Variants in MAP2K5 observed in about 807,000 individuals in gnomAD.
The protein encoded by MAP2K5 is mitogen-activated protein kinase kinase 5.
MAP2K5 carries 49 observed loss-of-function variants against 83.1 expected under a neutral mutation model. The ratio of observed to expected loss-of-function variants is 0.59; its 90% CI spans 0.47 to 0.75. The LOEUF (loss-of-function observed/expected upper bound fraction) is 0.75, where lower values mean the gene tolerates loss of function less well. MAP2K5 is among the 30% of genes least tolerant of loss of function. The probability of loss-of-function intolerance (pLI) is 0.00; values close to 1 mark genes in which losing one functional copy is unlikely to be tolerated. For missense variants in MAP2K5, 457 were observed against 557.5 expected, an observed-to-expected ratio of 0.82 and a Z score of 1.82; for synonymous variants, 202 against 191.8, an observed-to-expected ratio of 1.05 and a Z score of -0.44.
In MAP2K5 at chr15:67,648,752, G is replaced by A. The variant is rs564896813; in HGVS notation, c.736+2283G>A. The stretch of plus-strand genomic sequence containing the variant: ...GGCGCGTGCCACCATGCCCAGCTAA[G>A]TTTTGTATTTTCAGTAGAGACAGAG... On this transcript the variant is annotated intron_variant, in intron 11 of 21. Transcript: ENST00000178640. 2.6e-5 allele frequency among the ~76,000 whole-genome samples: 4 copies of A among 152,044 alleles called. No individual in the cohort carries two copies. The East Asian group carries it at 7.7e-4, about 29-fold the overall frequency.
At chr15:67,582,354 C>A (rs1189606556) in intron 4 of MAP2K5, among the ~76,000 whole-genome samples, 3 of 152,128 alleles carry the variant, frequency 2.0e-5, no homozygotes, top group African/African-American at 7.2e-5. Context: ...GCCACCACGC[C>A]CAGCCAGGAG....
intron 8 of MAP2K5, among the ~76,000 whole-genome samples, chr15:67,602,405 C>G (rs1443190738): frequency 1.3e-5 from 2 of 152,142 alleles, no homozygotes; most frequent in Admixed American, 6.5e-5. Flanking sequence ...TCTGGCAACT[C>G]TTTGTATTCC....
intron 9 of MAP2K5, among the ~76,000 whole-genome samples, chr15:67,632,288 C>G (rs1292813721): frequency 1.3e-5 from 2 of 151,948 alleles, no homozygotes; most frequent in Non-Finnish European, 2.9e-5. Context: ...TTTGTAGAGA[C>G]AGGGTTTCAC....
In MAP2K5 at chr15:67,640,197, A is replaced by G. The variant is rs139178321; in HGVS notation, c.586-6034A>G. 2.2e-4 allele frequency among the ~76,000 whole-genome samples: 34 copies of G among 152,328 alleles called. No individual in the cohort carries two copies. Among genetic ancestry groups the G allele is most frequent in the African/African-American group, 7.5e-4 (31 of 41,574 alleles). ...ATTACACATAACGAGTAAGTGTTCA[A>G]TACATAATTTGTTGAGTGACTGAGT... On this transcript the variant is annotated intron_variant, in intron 9 of 21. Transcript: ENST00000178640. This position sits in a 1 kb window ranked among gnomAD's most constrained non-coding sequence, Gnocchi z 4.6.
At chr15:67,743,081 C>T (rs1350085389) in intron 17 of MAP2K5, among the ~76,000 whole-genome samples, 2 of 152,160 alleles carry the variant, frequency 1.3e-5, no homozygotes, top group East Asian at 1.9e-4. Flanking sequence ...AGAGCTGTGC[C>T]CTCCTGTAGG....
Position 67,665,885 on chromosome 15 carries a change from G to A in MAP2K5, c.847+1240G>A, listed in dbSNP as rs2087364720. ...AATTGAACATTTTTGACTACCAAGA[G>A]TAAGAGATAACAGTATTCAACATGA... On this transcript the variant is annotated intron_variant, in intron 13 of 21. Transcript: ENST00000178640. The surrounding 1 kb of genome is among the most constrained non-coding windows in gnomAD (Gnocchi z 4.2). Among the ~76,000 whole-genome samples, 1 of 152,096 alleles carries A rather than the reference G, an allele frequency of 6.6e-6. No individual in the cohort carries two copies. Among genetic ancestry groups the A allele is most frequent in the South Asian group, 2.1e-4 (1 of 4,820 alleles).
Position 67,652,439 on chromosome 15 carries a change from G to A in MAP2K5, c.736+5970G>A, listed in dbSNP as rs569511050. Among the ~76,000 whole-genome samples the A allele has an allele frequency of 9.9e-5, 15 of 152,246 alleles. No homozygotes were observed. Among genetic ancestry groups the A allele is most frequent in the South Asian group, 8.3e-4 (4 of 4,828 alleles). On this transcript the variant is annotated intron_variant, in intron 11 of 21. Transcript: ENST00000178640. This position sits in a 1 kb window ranked among gnomAD's most constrained non-coding sequence, Gnocchi z 4.2. ...TCTGGGTCTCAGGAAGCTTCCATTC[G>A]TGGAGCAAGAGAGAGAGGAGGGAGG...
At chr15:67,789,242 A>G (rs2141329434) in intron 21 of MAP2K5, among the ~76,000 whole-genome samples, 1 of 152,230 alleles carries the variant, frequency 6.6e-6, no homozygotes, top group East Asian at 1.9e-4. Context: ...ATATTTATTT[A>G]TCCAGGACCC....
intron 7 of MAP2K5, among the ~76,000 whole-genome samples, chr15:67,599,365 C>T (rs909308129): frequency 6.6e-6 from 1 of 152,116 alleles, no homozygotes; most frequent in African/African-American, 2.4e-5. Flanking sequence ...GCTGGATTGG[C>T]CTTTACACAT....
chr15:67,673,922 C>T (rs1298816820), intron 13 of MAP2K5, among the ~76,000 whole-genome samples: 2 of 152,092 alleles, frequency 1.3e-5, no homozygotes, highest in African/African-American at 4.8e-5. Flanking sequence ...AATCTCGGCT[C>T]ACTGCAACCT....
intron 5 of MAP2K5, 81 bp downstream of exon 5, chr15:67,586,011 C>CT (rs2085281361): frequency 1.6e-6 from 2 of 1,273,122 alleles, no homozygotes; most frequent in East Asian, 4.7e-5. Context: ...TCAAATAAAA[C>CT]TGCACTTTCT....
intron 21 of MAP2K5, among the ~76,000 whole-genome samples, chr15:67,787,143 G>A (rs370860060): frequency 3.3e-5 from 5 of 152,210 alleles, no homozygotes; most frequent in Admixed American, 6.5e-5. Context: ...CAGGCAGGGC[G>A]GACAACAGGA....
chr15:67,575,750 T>C (rs549205291), intron 3 of MAP2K5, among the ~76,000 whole-genome samples: 6 of 152,118 alleles, frequency 3.9e-5, no homozygotes, highest in African/African-American at 9.7e-5. Context: ...ATGATACTTA[T>C]AGAATAGGAT....
At chr15:67,630,684 T>C (rs919484227) in intron 8 of MAP2K5, among the ~76,000 whole-genome samples, 1 of 152,238 alleles carries the variant, frequency 6.6e-6, no homozygotes, top group African/African-American at 2.4e-5. Context: ...TTACCTCAGA[T>C]AGTTATTTTA....
At chr15:67,633,496 C>T (rs1221177815) in intron 9 of MAP2K5, among the ~76,000 whole-genome samples, 1 of 152,104 alleles carries the variant, frequency 6.6e-6, no homozygotes, top group Non-Finnish European at 1.5e-5. Context: ...TTGGGTGTGG[C>T]AAGGGGCCAA....
chr15:67,666,588 G>A (rs2087385034), intron 13 of MAP2K5, among the ~76,000 whole-genome samples: 2 of 152,102 alleles, frequency 1.3e-5, no homozygotes, highest in Non-Finnish European at 1.5e-5. Context: ...TTCATCCCTG[G>A]TTGCAACTTG....
intron 6 of MAP2K5, among the ~76,000 whole-genome samples, chr15:67,592,135 A>AAAT (rs1555529771): frequency 6.6e-6 from 1 of 151,162 alleles, no homozygotes; most frequent in African/African-American, 2.4e-5. Flanking sequence ...AAAAAAAAAA[A>AAAT]GGACTTTCAC....
At chr15:67,673,369 A>G (rs971085341) in intron 13 of MAP2K5, among the ~76,000 whole-genome samples, 1 of 152,154 alleles carries the variant, frequency 6.6e-6, no homozygotes, top group African/African-American at 2.4e-5. Flanking sequence ...TAAATGTTAT[A>G]TATTTGATAT....
intron 11 of MAP2K5, 143 bp from the exon 12 acceptor site, chr15:67,658,410 T>C: frequency 1.6e-6 from 1 of 622,554 alleles, no homozygotes; most frequent in South Asian, 2.0e-5. Context: ...TAGATAACAT[T>C]GGACTAAAAA....
Sources: allele counts gnomAD v4.1 joint callset (sites outside exome capture counted in the v4.1 genomes callset), GRCh38; gene constraint gnomAD v4.1.1; non-coding constraint Gnocchi (gnomAD v3.1); transcripts MANE v1.5; gene names NCBI Gene and HGNC (gene_info 2026-07-23, HGNC 2026-07-21).